The following CNTN4 variants were observed in gnomAD, a reference collection of about 807,000 sequenced individuals.
The protein encoded by CNTN4 is contactin 4.
Under a neutral mutation model 122.5 loss-of-function variants are expected in CNTN4, and 77 were observed. The observed-to-expected ratio is 0.63, with a 90% CI of 0.52 to 0.76. The LOEUF is 0.76. CNTN4 is among the 30% of genes least tolerant of loss of function. CNTN4 has a pLI of 0.00. For missense variants in CNTN4, 1,256 were observed against 1,259.1 expected (o/e 1.00, Z 0.04); for synonymous variants, 512 against 447.0 (o/e 1.15, Z -1.83).
intron 4 of CNTN4, among the ~76,000 whole-genome samples, chr3:2,674,991 T>C (rs1197174479): frequency 6.6e-6 from 1 of 152,162 alleles, no homozygotes; most frequent in Non-Finnish European, 1.5e-5. Context: ...TATTTATCTT[T>C]CAAATATTTT....
At chr3:2,463,526 G>A (rs1330434842) in intron 3 of CNTN4, among the ~76,000 whole-genome samples, 2 of 152,160 alleles carry the variant, frequency 1.3e-5, no homozygotes, top group East Asian at 3.9e-4. Context: ...TTGGGAGGCT[G>A]AGGCGGATGG....
At chr3:2,784,161 T>G (rs2149893302) in intron 6 of CNTN4, among the ~76,000 whole-genome samples, 1 of 152,312 alleles carries the variant, frequency 6.6e-6, no homozygotes, top group Non-Finnish European at 1.5e-5. Context: ...CTTTCAGGAA[T>G]GAGAAACTCA....
intron 3 of CNTN4, among the ~76,000 whole-genome samples, chr3:2,406,652 T>G (rs112628271): frequency 3.3e-5 from 5 of 152,296 alleles, no homozygotes; most frequent in African/African-American, 1.2e-4. Flanking sequence ...TTAAATAGCT[T>G]TGTAATATTG....
intron 21 of CNTN4, among the ~76,000 whole-genome samples, 179 bp downstream of exon 21, chr3:3,042,601 T>C (rs1436445158): frequency 6.6e-6 from 1 of 152,246 alleles, no homozygotes; most frequent in African/African-American, 2.4e-5. Context: ...ACTACCCTTT[T>C]TCTATGTTAT....
intron 4 of CNTN4, among the ~76,000 whole-genome samples, chr3:2,572,250 G>T (rs1020452124): frequency 6.6e-6 from 1 of 152,156 alleles, no homozygotes. Context: ...GCCGGGTGCA[G>T]TGGTGCATGC....
intron 4 of CNTN4, among the ~76,000 whole-genome samples, chr3:2,708,428 A>G (rs2086873729): frequency 6.6e-6 from 1 of 152,202 alleles, no homozygotes; most frequent in South Asian, 2.1e-4. Context: ...GGATTACCGT[A>G]AGAGACTCTG....
chr3:2,106,564 G>A lies in CNTN4; in HGVS notation c.-145+5925G>A, dbSNP rs553771202. 3.9e-5 allele frequency among the ~76,000 whole-genome samples: 6 copies of A among 152,338 alleles called. No individual in the cohort carries two copies. In the South Asian group the frequency reaches 1.0e-3, roughly 26 times the overall value. ...TTGGCCCCTTTTAGCTACAGCTGGA[G>A]TGGCTGGGACGCAGGGCACCAAGTC... On this transcript the variant is annotated intron_variant, in intron 2 of 24. Coordinates refer to ENST00000418658, the MANE Select transcript of CNTN4 (RefSeq NM_175607.3).
intron 2 of CNTN4, among the ~76,000 whole-genome samples, chr3:2,127,362 A>C (rs556600060): frequency 6.6e-6 from 1 of 151,976 alleles, no homozygotes; most frequent in Non-Finnish European, 1.5e-5. Context: ...CTTTTATTCA[A>C]TTTTTTAATA....
intron 22 of CNTN4, 124 bp from the exon 23 acceptor site, chr3:3,043,468 A>G: frequency 1.3e-6 from 1 of 777,038 alleles, no homozygotes; most frequent in Non-Finnish European, 2.3e-6. Flanking sequence ...GTGACCTTGA[A>G]GACACATATT....
At chr3:2,502,295 G>A (rs1029040763) in intron 3 of CNTN4, among the ~76,000 whole-genome samples, 5 of 152,058 alleles carry the variant, frequency 3.3e-5, no homozygotes, top group Admixed American at 2.0e-4. Context: ...TACTATCCAC[G>A]TGTCTCATGG....
At chr3:2,825,355 C>G (rs1198460640) in intron 7 of CNTN4, among the ~76,000 whole-genome samples, 1 of 152,094 alleles carries the variant, frequency 6.6e-6, no homozygotes, top group Non-Finnish European at 1.5e-5. Context: ...TACCGAGTAT[C>G]TGGGACTACA....
chr3:2,311,551 A>G lies in CNTN4; in HGVS notation c.-144-27627A>G, dbSNP rs117400875. Among the ~76,000 whole-genome samples the G allele has an allele frequency of 2.0e-5, 3 of 152,210 alleles. No homozygotes were observed. The East Asian group carries it at 5.8e-4, about 29-fold the overall frequency. ...AAGTAGTATAAAGCGTGTTACTTGAAGCATTCTTGACAGAGAATGCAGCTG... is the reference window on the plus strand; with the variant it reads ...AAGTAGTATAAAGCGTGTTACTTGAGGCATTCTTGACAGAGAATGCAGCTG... On this transcript the variant is annotated intron_variant, in intron 2 of 24. Coordinates refer to ENST00000418658, the MANE Select transcript of CNTN4 (RefSeq NM_175607.3).
At chr3:2,504,820 T>C (rs1405373678) in intron 3 of CNTN4, among the ~76,000 whole-genome samples, 3 of 152,164 alleles carry the variant, frequency 2.0e-5, no homozygotes, top group African/African-American at 7.2e-5. Context: ...TCAAATTGAA[T>C]TACATTCTGT....
intron 7 of CNTN4, among the ~76,000 whole-genome samples, chr3:2,822,783 A>G (rs2728092): frequency 0.98 from 149,957 of 152,276 alleles, 73,877 homozygotes; most frequent in East Asian, 1. Flanking sequence ...AAAAATTTCC[A>G]TAGACATCTA....
Position 3,026,330 on chromosome 3 carries a change from A to G in CNTN4, c.1662+53A>G, listed in dbSNP as rs1479855158. 6 of 1,446,294 alleles carry G rather than the reference A, an allele frequency of 4.1e-6. No homozygotes were observed. The African/African-American group carries it at 5.6e-5, about 14-fold the overall frequency. 89.6% of individuals were successfully genotyped at this position (1,446,294 alleles called of 1,614,324 possible). ...AAACTAACTTGTTTAGACCAACTTA[A>G]CAATATATTTAAAGTTACTATTTTA... On this transcript the variant is annotated intron_variant, in intron 15 of 24. Transcript: ENST00000418658.
chr3:3,036,877 G>A (rs567826423), intron 17 of CNTN4, among the ~76,000 whole-genome samples: 7 of 152,286 alleles, frequency 4.6e-5, no homozygotes, highest in Admixed American at 6.5e-5. Context: ...CAATAAATGC[G>A]GAAACACATG....
At chr3:2,481,908 T>A (rs956348927) in intron 3 of CNTN4, among the ~76,000 whole-genome samples, 2 of 152,152 alleles carry the variant, frequency 1.3e-5, no homozygotes, top group Non-Finnish European at 2.9e-5. Flanking sequence ...AGATCTCCCC[T>A]GCCATGTGGA....
chr3:2,636,048 G>C (rs1234356803), intron 4 of CNTN4, among the ~76,000 whole-genome samples: 3 of 152,094 alleles, frequency 2.0e-5, no homozygotes, highest in Admixed American at 1.3e-4. Flanking sequence ...TAGTTGGTGA[G>C]ACAGATGAAT....
At chr3:2,849,922 A>T (rs951169806) in intron 7 of CNTN4, among the ~76,000 whole-genome samples, 4 of 151,920 alleles carry the variant, frequency 2.6e-5, no homozygotes, top group Non-Finnish European at 4.4e-5. Flanking sequence ...ATGGTTTTTC[A>T]TGAGAAGCCG....
Sources: gnomAD v4.1 joint callset for allele counts (sites outside exome capture counted in the v4.1 genomes callset) on GRCh38, gnomAD v4.1.1 for gene constraint, MANE v1.5 for transcripts, NCBI Gene and HGNC (gene_info 2026-07-23, HGNC 2026-07-21) for gene names.